CSMD1: variants seen among roughly 807,000 people sequenced by gnomAD.
The protein encoded by CSMD1 is CUB and Sushi multiple domains 1.
In CSMD1, 213 loss-of-function variants were observed where a neutral mutation model predicts 417.5. The observed-to-expected ratio is 0.51, with a 90% CI of 0.46 to 0.57. The LOEUF (loss-of-function observed/expected upper bound fraction) is 0.57. Ranked by LOEUF, CSMD1 falls within the 20% of genes least tolerant of loss-of-function variation. CSMD1 has a pLI of 0.00. For synonymous variants in CSMD1, 2,862 were observed against 1,736.8 expected, an observed-to-expected ratio of 1.65 and a Z score of -16.11; for missense variants, 6,923 against 4,529.7, an observed-to-expected ratio of 1.53 and a Z score of -15.17.
In CSMD1 at chr8:4,444,941, A is replaced by C. The variant is rs138918927; in HGVS notation, c.303-24876T>G. On this transcript the variant is annotated intron_variant, in intron 2 of 69. Coordinates refer to ENST00000635120, the MANE Select transcript of CSMD1 (RefSeq NM_033225.6). Reference sequence around the variant, plus strand: ...ATTTGCTCCCTTCTTCATTTACATAAAATAACTGGGAAATCTCCACTGTGT... The same window carrying C: ...ATTTGCTCCCTTCTTCATTTACATACAATAACTGGGAAATCTCCACTGTGT... Among the ~76,000 whole-genome samples, 727 of 152,274 alleles carry C rather than the reference A, an allele frequency of 4.8e-3. 2 individuals are homozygous for C. Among genetic ancestry groups the C allele is most frequent in the Admixed American group, 8.7e-3 (133 of 15,296 alleles).
At chr8:3,519,707 T>C (rs1048554194) in intron 10 of CSMD1, among the ~76,000 whole-genome samples, 18 of 152,264 alleles carry the variant, frequency 1.2e-4, no homozygotes, top group Middle Eastern at 6.8e-3. Flanking sequence ...AATAAAGTGG[T>C]GCACGCTATA....
At chr8:3,842,345 T>C (rs1262277538) in intron 5 of CSMD1, among the ~76,000 whole-genome samples, 2 of 152,168 alleles carry the variant, frequency 1.3e-5, no homozygotes, top group African/African-American at 4.8e-5. Context: ...AGGTTTTAGA[T>C]ACCCATATCA....
At chr8:4,547,921 A>G (rs1276831276) in intron 2 of CSMD1, among the ~76,000 whole-genome samples, 1 of 152,224 alleles carries the variant, frequency 6.6e-6, no homozygotes, top group Non-Finnish European at 1.5e-5. Flanking sequence ...AAAGGCCGAG[A>G]AAACAACTTT....
Position 4,060,720 on chromosome 8 carries a change from T to C in CSMD1, c.416-28621A>G, listed in dbSNP as rs575337339. Among the ~76,000 whole-genome samples, 75 of 152,210 alleles carry C rather than the reference T, an allele frequency of 4.9e-4. 1 individual carries two copies. In the South Asian group the frequency reaches 0.016, roughly 32 times the overall value. ...CTGCTCCTCCACATGGGAATTTTAA[T>C]AAGATGTGCTCAAAGCATCACAGCT... On this transcript the variant is annotated intron_variant, in intron 3 of 69. Coordinates refer to ENST00000635120, the MANE Select transcript of CSMD1 (RefSeq NM_033225.6).
chr8:4,713,277 G>C (rs562119792), intron 1 of CSMD1, among the ~76,000 whole-genome samples: 1 of 152,372 alleles, frequency 6.6e-6, no homozygotes, highest in Non-Finnish European at 1.5e-5. Flanking sequence ...GGAGAGTGTA[G>C]TTTAAGTTGG....
At chr8:3,113,325 G>A (rs1046998186) in intron 42 of CSMD1, 1 of 152,242 alleles carries the variant, frequency 6.6e-6, no homozygotes, top group African/African-American at 2.4e-5. Context: ...CAGGAGCCAT[G>A]GAGTAAAGAG....
chr8:3,602,217 C>T (rs1801397219), intron 8 of CSMD1, among the ~76,000 whole-genome samples: 1 of 152,136 alleles, frequency 6.6e-6, no homozygotes, highest in African/African-American at 2.4e-5. Flanking sequence ...ATCTTCCTGA[C>T]CAATTAAACC....
chr8:2,964,811 C>G (rs1195566348), intron 59 of CSMD1, among the ~76,000 whole-genome samples: 1 of 151,914 alleles, frequency 6.6e-6, no homozygotes, highest in East Asian at 1.9e-4. Flanking sequence ...ACGCCCATGT[C>G]AGAAGAGAGA....
rs1348345037 is a variant in CSMD1, at chr8:4,314,806, C to G, written c.415+105147G>C. On this transcript the variant is annotated intron_variant, in intron 3 of 69. Transcript: ENST00000635120. Reference sequence around the variant, plus strand: ...AAGATTCAGCATTTATGAATAAAGACCACAGGAAAAGGGCAAAGGATTTTG... The same window carrying G: ...AAGATTCAGCATTTATGAATAAAGAGCACAGGAAAAGGGCAAAGGATTTTG... Among the ~76,000 whole-genome samples the G allele has an allele frequency of 2.0e-5, 3 of 152,160 alleles. No individual in the cohort carries two copies. The East Asian group carries it at 5.8e-4, about 29-fold the overall frequency.
intron 33 of CSMD1, among the ~76,000 whole-genome samples, chr8:3,196,197 T>C (rs1033127645): frequency 6.6e-6 from 1 of 152,164 alleles, no homozygotes; most frequent in African/African-American, 2.4e-5. Context: ...ACCAGCACGA[T>C]GACAGTTTAC....
At chr8:3,359,116 C>A (rs1244884697) in intron 21 of CSMD1, 36 bp downstream of exon 21, 1 of 1,606,120 alleles carries the variant, frequency 6.2e-7, no homozygotes, top group South Asian at 1.1e-5. Flanking sequence ...ACCCTGCCCC[C>A]ATGGATGAAT....
At chr8:3,288,174 G>A (rs1194339952) in intron 25 of CSMD1, among the ~76,000 whole-genome samples, 2 of 147,296 alleles carry the variant, frequency 1.4e-5, no homozygotes, top group Non-Finnish European at 2.9e-5. Flanking sequence ...TTGTGGATAA[G>A]CTTTTTGATG....
At chr8:4,383,311 A>G (rs1033220880) in intron 3 of CSMD1, among the ~76,000 whole-genome samples, 4 of 152,298 alleles carry the variant, frequency 2.6e-5, no homozygotes. Context: ...GGCGGTGGGC[A>G]TGGGGGGATC....
chr8:3,281,265 A>G (rs1376092904), intron 26 of CSMD1, among the ~76,000 whole-genome samples: 1 of 152,134 alleles, frequency 6.6e-6, no homozygotes, highest in Non-Finnish European at 1.5e-5. Flanking sequence ...CAGGATAATG[A>G]AACCCTGTCT....
intron 5 of CSMD1, among the ~76,000 whole-genome samples, chr8:3,981,789 G>T (rs1241051741): frequency 2.0e-5 from 3 of 152,198 alleles, no homozygotes; most frequent in Non-Finnish European, 4.4e-5. Context: ...ACAAAGTCAA[G>T]AGAAGAGGCA....
intron 52 of CSMD1, among the ~76,000 whole-genome samples, chr8:3,008,052 G>C (rs939106683): frequency 3.9e-5 from 6 of 152,220 alleles, no homozygotes; most frequent in African/African-American, 1.4e-4. Context: ...TCTAAAATTG[G>C]ATTTGAAATA....
At chr8:3,959,519 A>G (rs564422612) in intron 5 of CSMD1, among the ~76,000 whole-genome samples, 2 of 152,284 alleles carry the variant, frequency 1.3e-5, no homozygotes, top group African/African-American at 4.8e-5. Flanking sequence ...ATCAAAGAAC[A>G]AACCAACGAA....
chr8:3,880,941 A>T (rs1806165754), intron 5 of CSMD1, among the ~76,000 whole-genome samples: 1 of 152,174 alleles, frequency 6.6e-6, no homozygotes, highest in Non-Finnish European at 1.5e-5. Context: ...TTGGATGCAA[A>T]ATTAGTATAG....
intron 26 of CSMD1, among the ~76,000 whole-genome samples, chr8:3,245,861 A>G (rs149663070): frequency 2.0e-5 from 3 of 152,294 alleles, no homozygotes; most frequent in East Asian, 3.9e-4. Flanking sequence ...CTTGATAATG[A>G]AAGAGATTTC....
Sources: allele counts gnomAD v4.1 joint callset (sites outside exome capture counted in the v4.1 genomes callset), GRCh38; gene constraint gnomAD v4.1.1; transcripts MANE v1.5; gene names NCBI Gene and HGNC (gene_info 2026-07-23, HGNC 2026-07-21).